Variants in LINGO2 observed in about 807,000 individuals in gnomAD.
LINGO2 encodes leucine rich repeat and Ig domain containing 2, also known as leucine-rich repeat and immunoglobulin-like domain-containing nogo receptor-interacting protein 2.
LINGO2 carries 14 observed loss-of-function variants against 30.6 expected under a neutral mutation model. That is an observed-to-expected ratio of 0.46 (90% confidence interval 0.30 to 0.72). LINGO2 has a LOEUF of 0.72. Among genes scored for constraint, LINGO2 ranks in the 30% least tolerant of loss-of-function variants. LINGO2 has a pLI of 0.07. For missense variants in LINGO2, 729 were observed against 751.7 expected (o/e 0.97, Z 0.35); for synonymous variants, 317 against 288.5 (o/e 1.10, Z -1.00).
At chr9:28,856,518 G>T in the LINGO2 span, among the ~76,000 whole-genome samples, 1 of 151,960 alleles carries the variant, frequency 6.6e-6, no homozygotes, top group African/African-American at 2.4e-5. Context: ...GAAGACTGAA[G>T]AATGGGTAAA....
At chr9:28,517,237 C>T (rs1009882708) in intron 1 of LINGO2, among the ~76,000 whole-genome samples, 1 of 152,142 alleles carries the variant, frequency 6.6e-6, no homozygotes, top group African/African-American at 2.4e-5. Context: ...CCCCTCCACC[C>T]CCACCACAGC....
intron 2 of LINGO2, among the ~76,000 whole-genome samples, chr9:28,380,816 T>C (rs2104859): frequency 0.23 from 35,503 of 151,922 alleles, 4,293 homozygotes; most frequent in Middle Eastern, 0.33. Context: ...AATAAGAACA[T>C]GGAACACTAA....
chr9:28,216,546 A>G (rs1820774110), intron 4 of LINGO2, among the ~76,000 whole-genome samples: 1 of 151,992 alleles, frequency 6.6e-6, no homozygotes, highest in Non-Finnish European at 1.5e-5. Context: ...TGACAACATA[A>G]CCATCACTAC....
chr9:28,880,887 T>C, the LINGO2 span, among the ~76,000 whole-genome samples: 9 of 152,294 alleles, frequency 5.9e-5, no homozygotes, highest in Admixed American at 3.9e-4. Context: ...AACATAAATC[T>C]GGCCTACGTG....
At chr9:28,038,934 A>G (rs1253312827) in intron 4 of LINGO2, among the ~76,000 whole-genome samples, 2 of 152,218 alleles carry the variant, frequency 1.3e-5, no homozygotes, top group Non-Finnish European at 2.9e-5. Flanking sequence ...TTGTCACTAA[A>G]TCTCTTCCAA....
intron 2 of LINGO2, among the ~76,000 whole-genome samples, chr9:28,377,695 T>C (rs1478587625): frequency 6.6e-6 from 1 of 152,146 alleles, no homozygotes; most frequent in Non-Finnish European, 1.5e-5. Flanking sequence ...TACTAGCCTA[T>C]TTGCAAAGAA....
At chr9:28,025,369 T>C (rs1364276948) in intron 4 of LINGO2, among the ~76,000 whole-genome samples, 1 of 152,224 alleles carries the variant, frequency 6.6e-6, no homozygotes, top group African/African-American at 2.4e-5. Flanking sequence ...TTTCGGCTTT[T>C]GGCCATTGAA....
the LINGO2 span, among the ~76,000 whole-genome samples, chr9:28,767,309 T>C: frequency 6.6e-6 from 1 of 152,224 alleles, no homozygotes; most frequent in Non-Finnish European, 1.5e-5. Context: ...GTAATTATTT[T>C]GCTATGTATA....
the LINGO2 span, among the ~76,000 whole-genome samples, chr9:28,883,628 G>GTGTGTGTGTATA: frequency 6.9e-4 from 44 of 64,144 alleles, no homozygotes; most frequent in South Asian, 6.4e-4. Flanking sequence ...ATGTGTGTGT[G>GTGTGTGTGTATA]TATATATATA....
At chr9:28,450,222 C>T (rs752798401) in intron 2 of LINGO2, among the ~76,000 whole-genome samples, 3 of 151,946 alleles carry the variant, frequency 2.0e-5, no homozygotes, top group Non-Finnish European at 4.4e-5. Flanking sequence ...TAAGGACATT[C>T]CTTAAAATCA....
At chr9:28,366,290 A>G (rs1820673081) in intron 3 of LINGO2, among the ~76,000 whole-genome samples, 1 of 152,128 alleles carries the variant, frequency 6.6e-6, no homozygotes, top group South Asian at 2.1e-4. Flanking sequence ...TTACCTCTAT[A>G]TTGTATTTCA....
Position 28,400,097 on chromosome 9 carries a change from G to A in LINGO2, c.-278-27229C>T, listed in dbSNP as rs995116890. ...AATGGAGCTGACCACGGAATGCAAT[G>A]GGGGTGTCTGAAGCAGACAGAGTGA... is the stretch of plus-strand genomic sequence containing the variant. On this transcript the variant is annotated intron_variant, in intron 2 of 5. Coordinates refer to ENST00000379992, the Ensembl canonical transcript of LINGO2. Among the ~76,000 whole-genome samples, 8 of 152,266 alleles carry A rather than the reference G, an allele frequency of 5.3e-5. No homozygotes were observed. The South Asian group carries it at 1.5e-3, about 28-fold the overall frequency.
the LINGO2 span, among the ~76,000 whole-genome samples, chr9:28,871,921 T>C: frequency 6.6e-6 from 1 of 152,068 alleles, no homozygotes; most frequent in Non-Finnish European, 1.5e-5. Flanking sequence ...TCTGTTACTT[T>C]ATAAAACCTA....
chr9:28,027,177 G>A (rs1823420832), intron 4 of LINGO2, among the ~76,000 whole-genome samples: 1 of 152,160 alleles, frequency 6.6e-6, no homozygotes, highest in East Asian at 1.9e-4. Context: ...GCACTTAAAT[G>A]GATTTACTCT....
At chr9:28,145,047 A>G (rs950248089) in intron 4 of LINGO2, among the ~76,000 whole-genome samples, 4 of 152,212 alleles carry the variant, frequency 2.6e-5, no homozygotes, top group African/African-American at 7.2e-5. Flanking sequence ...CTGGCCATCA[A>G]GGAGACCATC....
At chr9:28,807,320 G>C in the LINGO2 span, among the ~76,000 whole-genome samples, 1 of 151,990 alleles carries the variant, frequency 6.6e-6, no homozygotes, top group Non-Finnish European at 1.5e-5. Context: ...CACCATGCCC[G>C]GCCGTGAAAA....
the LINGO2 span, among the ~76,000 whole-genome samples, chr9:28,735,116 T>C: frequency 1.3e-5 from 2 of 152,184 alleles, no homozygotes; most frequent in African/African-American, 4.8e-5. Context: ...CTCTTTCTAG[T>C]TTATTTTTCT....
intron 4 of LINGO2, among the ~76,000 whole-genome samples, chr9:28,253,630 G>C (rs115738104): frequency 1.3e-5 from 2 of 152,070 alleles, no homozygotes; most frequent in Non-Finnish European, 2.9e-5. Context: ...TTTGAATGAC[G>C]AGGTTAAGAT....
chr9:28,947,785 G>C, the LINGO2 span, among the ~76,000 whole-genome samples: 1 of 151,188 alleles, frequency 6.6e-6, no homozygotes, highest in Non-Finnish European at 1.5e-5. Flanking sequence ...GTATGAAATT[G>C]GACCAACATA....
Sources: gnomAD v4.1 joint callset for allele counts (sites outside exome capture counted in the v4.1 genomes callset) on GRCh38, gnomAD v4.1.1 for gene constraint, MANE v1.5 for transcripts, NCBI Gene and HGNC (gene_info 2026-07-23, HGNC 2026-07-21) for gene names.